KAZN: variants seen among roughly 807,000 people sequenced by gnomAD.
The protein encoded by KAZN is kazrin.
A neutral mutation model predicts 87.4 loss-of-function variants in KAZN; 40 were observed. The ratio of observed to expected loss-of-function variants is 0.46; its 90% CI spans 0.36 to 0.60. KAZN has a LOEUF of 0.60. KAZN is among the 20% of genes least tolerant of loss of function. The pLI, the probability that KAZN is intolerant of heterozygous loss-of-function variation, is 0.00. For synonymous variants in KAZN, 466 were observed against 458.3 expected, an observed-to-expected ratio of 1.02 and a Z score of -0.22; for missense variants, 898 against 1,073.9, an observed-to-expected ratio of 0.84 and a Z score of 2.29.
At chr1:14,369,444 C>A (rs932881955) in intron 2 of KAZN, among the ~76,000 whole-genome samples, 1 of 152,114 alleles carries the variant, frequency 6.6e-6, no homozygotes, top group Admixed American at 6.5e-5. Flanking sequence ...GAAGCTAGTC[C>A]GCTTCAAAGA....
chr1:14,565,564 C>T (rs1243788277), intron 2 of KAZN, among the ~76,000 whole-genome samples: 1 of 152,176 alleles, frequency 6.6e-6, no homozygotes, highest in Non-Finnish European at 1.5e-5. Flanking sequence ...TTAACCCTTC[C>T]TTTCGTTAAA....
At chr1:14,854,500 A>G (rs143835304) in intron 1 of KAZN, among the ~76,000 whole-genome samples, 2 of 152,306 alleles carry the variant, frequency 1.3e-5, no homozygotes, top group East Asian at 3.9e-4. Flanking sequence ...GCAGTGTCAC[A>G]TGGTGGAGAA....
chr1:13,923,312 G>A (rs375190609), intron 1 of KAZN, among the ~76,000 whole-genome samples: 2 of 152,060 alleles, frequency 1.3e-5, no homozygotes, highest in South Asian at 2.1e-4. Flanking sequence ...GGTGGCTCAC[G>A]CCTGTAATCC....
At chr1:13,987,126 A>G (rs769495684) in intron 1 of KAZN, among the ~76,000 whole-genome samples, 1 of 152,106 alleles carries the variant, frequency 6.6e-6, no homozygotes, top group Admixed American at 6.6e-5. Context: ...ATTTTATGAC[A>G]GGAGAGACTT....
At chr1:14,469,680 G>T (rs896769806) in intron 2 of KAZN, among the ~76,000 whole-genome samples, 1 of 152,186 alleles carries the variant, frequency 6.6e-6, no homozygotes, top group African/African-American at 2.4e-5. Flanking sequence ...AAGGCAGATG[G>T]TAGGTATATT....
At chr1:14,988,350 G>A (rs1667031575) in intron 2 of KAZN, among the ~76,000 whole-genome samples, 1 of 152,200 alleles carries the variant, frequency 6.6e-6, no homozygotes, top group Admixed American at 6.5e-5. Context: ...GGCAGACACG[G>A]AGCCCCCAGG....
chr1:14,758,521 C>T lies in KAZN; in HGVS notation c.226+159298C>T, dbSNP rs186569522. 4.6e-5 allele frequency among the ~76,000 whole-genome samples: 7 copies of T among 152,010 alleles called. No individual in the cohort carries two copies. In the East Asian group the frequency reaches 9.7e-4, roughly 21 times the overall value. On this transcript the variant is annotated intron_variant, in intron 1 of 14. Coordinates refer to ENST00000376030, the MANE Select transcript of KAZN (RefSeq NM_201628.3). Reference sequence around the variant, plus strand: ...GAGATGAGAGTTTCACTATGTTGCCCAGGCAGGTCTTTAACTCCTGGGCTT... The same window carrying T: ...GAGATGAGAGTTTCACTATGTTGCCTAGGCAGGTCTTTAACTCCTGGGCTT...
intron 2 of KAZN, among the ~76,000 whole-genome samples, chr1:14,296,194 C>A (rs1654100756): frequency 1.3e-5 from 2 of 152,208 alleles, no homozygotes; most frequent in African/African-American, 4.8e-5. Context: ...TAAATGGTAG[C>A]TGCTACTACT....
chr1:14,133,430 A>G (rs1319441112), intron 1 of KAZN, among the ~76,000 whole-genome samples: 2 of 146,410 alleles, frequency 1.4e-5, no homozygotes, highest in Admixed American at 6.9e-5. Flanking sequence ...AGAAAGAAAG[A>G]AAGAAAGAAA....
At chr1:15,043,658 T>G (rs1673152957) in intron 3 of KAZN, among the ~76,000 whole-genome samples, 1 of 144,738 alleles carries the variant, frequency 6.9e-6, no homozygotes. Flanking sequence ...TTTTTTTTTT[T>G]TTTGAGACAG....
In KAZN at chr1:14,238,765, T is replaced by C. The variant is rs76156036; in HGVS notation, c.249+58173T>C. On this transcript the variant is annotated intron_variant, in intron 2 of 16. Transcript: ENST00000636203. The stretch of plus-strand genomic sequence containing the variant: ...GGGAAAGGATGGAGGACCTGGACTT[T>C]TCCAATTTCAGTAGAGCCACGGCAT... Among the ~76,000 whole-genome samples, 7 of 152,296 alleles carry C rather than the reference T, an allele frequency of 4.6e-5. No homozygotes were observed. In the East Asian group the frequency reaches 1.2e-3, roughly 25 times the overall value.
chr1:14,905,944 G>A lies in KAZN; in HGVS notation c.227-54740G>A, dbSNP rs565237577. On this transcript the variant is annotated intron_variant, in intron 1 of 14. Transcript: ENST00000376030. Reference sequence around the variant, plus strand: ...AGCACTTTGGGAGGCCAAGGAGGGCGGATCACGAGGTCAGGAGATCGAGGC... The same window carrying A: ...AGCACTTTGGGAGGCCAAGGAGGGCAGATCACGAGGTCAGGAGATCGAGGC... 7.3e-5 allele frequency among the ~76,000 whole-genome samples: 11 copies of A among 150,056 alleles called. No individual in the cohort carries two copies. In the East Asian group the frequency reaches 9.8e-4, roughly 13 times the overall value.
intron 1 of KAZN, among the ~76,000 whole-genome samples, chr1:14,854,180 A>T (rs965887785): frequency 1.3e-5 from 2 of 152,162 alleles, no homozygotes; most frequent in African/African-American, 4.8e-5. Context: ...AGGTGCAGAA[A>T]CTGAGGCACA....
chr1:15,033,507 G>C (rs894234815), intron 2 of KAZN, among the ~76,000 whole-genome samples: 1 of 152,200 alleles, frequency 6.6e-6, no homozygotes, highest in African/African-American at 2.4e-5. Flanking sequence ...TTTTCCAAAA[G>C]CAGCTGCACC....
At chr1:14,675,859 G>C (rs1056376907) in intron 1 of KAZN, among the ~76,000 whole-genome samples, 12 of 152,190 alleles carry the variant, frequency 7.9e-5, no homozygotes, top group African/African-American at 2.7e-4. Flanking sequence ...ATAGAATAGA[G>C]AGTCCCCTCT....
intron 1 of KAZN, among the ~76,000 whole-genome samples, chr1:14,057,184 G>C (rs973866680): frequency 6.6e-6 from 1 of 151,318 alleles, no homozygotes; most frequent in Admixed American, 6.6e-5. Flanking sequence ...TTCTAGGCTG[G>C]AGTACAGTGG....
At chr1:14,648,590 G>A (rs774649316) in intron 1 of KAZN, among the ~76,000 whole-genome samples, 3 of 152,098 alleles carry the variant, frequency 2.0e-5, no homozygotes, top group Admixed American at 6.5e-5. Flanking sequence ...TGGGCTTGAC[G>A]TTTCTCCTTG....
chr1:14,586,897 T>C (rs1395287675), intron 2 of KAZN, among the ~76,000 whole-genome samples: 5 of 152,150 alleles, frequency 3.3e-5, no homozygotes, highest in African/African-American at 1.2e-4. Context: ...CTTCCAGATA[T>C]AGAATTCTAA....
chr1:14,138,801 A>G (rs1251454961), intron 1 of KAZN, among the ~76,000 whole-genome samples: 1 of 152,166 alleles, frequency 6.6e-6, no homozygotes, highest in East Asian at 1.9e-4. Flanking sequence ...AGTGGAATGA[A>G]TGGGCAAGGC....
Sources: gnomAD v4.1 joint callset for allele counts (sites outside exome capture counted in the v4.1 genomes callset) on GRCh38, gnomAD v4.1.1 for gene constraint, MANE v1.5 for transcripts, NCBI Gene and HGNC (gene_info 2026-07-23, HGNC 2026-07-21) for gene names.